Variants in ABCC4 observed in about 807,000 individuals in gnomAD.
The protein encoded by ABCC4 is ATP binding cassette subfamily C member 4 (PEL blood group).
ABCC4 carries 102 observed loss-of-function variants against 168.5 expected under a neutral mutation model. The ratio of observed to expected loss-of-function variants is 0.61; its 90% confidence interval spans 0.52 to 0.71. The LOEUF is 0.71. Among genes scored for constraint, ABCC4 ranks in the 30% least tolerant of loss-of-function variants. ABCC4 has a pLI of 0.00. For synonymous variants in ABCC4, 617 were observed against 590.7 expected (o/e 1.04, Z -0.65); for missense variants, 1,402 against 1,605.8 (o/e 0.87, Z 2.17).
At chr13:95,096,122 G>A in intron 20 of ABCC4, 2 of 616,838 alleles carry the variant, frequency 3.2e-6, no homozygotes, top group Middle Eastern at 2.5e-4. Context: ...GGAGGGAGGA[G>A]GATTGCTTGA....
chr13:95,188,378 G>C (rs2038136918), intron 10 of ABCC4, 75 bp downstream of exon 10: 2 of 1,334,776 alleles, frequency 1.5e-6, no homozygotes, highest in South Asian at 2.3e-5. Flanking sequence ...GTTACACGTA[G>C]CCTTGGGCTC....
At chr13:95,229,648 A>G (rs2039563439) in intron 4 of ABCC4, among the ~76,000 whole-genome samples, 1 of 152,246 alleles carries the variant, frequency 6.6e-6, no homozygotes, top group Admixed American at 6.5e-5. Context: ...TCTATGCCTA[A>G]TGTATTTGAT....
intron 3 of ABCC4, among the ~76,000 whole-genome samples, chr13:95,240,125 C>T (rs2039890586): frequency 6.6e-6 from 1 of 152,086 alleles, no homozygotes; most frequent in South Asian, 2.1e-4. Flanking sequence ...ACCAGATGGA[C>T]ATGTTAAATG....
chr13:95,228,281 T>G (rs2039524651), intron 4 of ABCC4, among the ~76,000 whole-genome samples: 2 of 151,978 alleles, frequency 1.3e-5, no homozygotes, highest in Non-Finnish European at 1.5e-5. Context: ...GACGGTGCAT[T>G]TATTTTTTTT....
chr13:95,112,361 A>G (rs1192244527), intron 20 of ABCC4, among the ~76,000 whole-genome samples: 1 of 152,142 alleles, frequency 6.6e-6, no homozygotes, highest in African/African-American at 2.4e-5. Context: ...AAAAAAAAAA[A>G]AAAGAAAGTC....
intron 13 of ABCC4, among the ~76,000 whole-genome samples, chr13:95,171,474 T>C (rs558643532): frequency 5.9e-5 from 9 of 151,558 alleles, no homozygotes; most frequent in Middle Eastern, 3.4e-3. Flanking sequence ...GGAGAATCAC[T>C]TGAGCCCAGG....
intron 20 of ABCC4, among the ~76,000 whole-genome samples, chr13:95,089,155 T>C (rs1016918087): frequency 1.3e-4 from 20 of 152,280 alleles, no homozygotes; most frequent in Non-Finnish European, 2.8e-4. Flanking sequence ...AATAATTCTA[T>C]TATTGAATTT....
Position 95,163,052 on chromosome 13 carries a change from T to C in ABCC4, c.2308+70A>G, listed in dbSNP as rs950571393. On this transcript the variant is annotated intron_variant, in intron 18 of 30. Transcript: ENST00000645237. ...ATTACTGAATGACTCCTGGAAGCCC[T>C]AGTTACTCACACAGGCTCATTGTAA... 4 of 1,031,184 alleles carry C rather than the reference T, an allele frequency of 3.9e-6. No individual in the cohort carries two copies. In the African/African-American group the frequency reaches 4.7e-5, roughly 12 times the overall value. The allele number at this position is 1,031,184 out of a possible 1,614,324, so 63.9% of individuals were successfully genotyped here.
At chr13:95,214,848 T>A (rs1300449562) in intron 4 of ABCC4, among the ~76,000 whole-genome samples, 1 of 122,294 alleles carries the variant, frequency 8.2e-6, no homozygotes, top group African/African-American at 3.3e-5. Flanking sequence ...ATCGCGCCAC[T>A]CCACTCCAGC....
intron 27 of ABCC4, among the ~76,000 whole-genome samples, chr13:95,047,817 T>C (rs2032658844): frequency 6.6e-6 from 1 of 152,212 alleles, no homozygotes; most frequent in South Asian, 2.1e-4. Flanking sequence ...CTAGTTCTTT[T>C]CATGCACTGC....
rs1487376163 is a variant in ABCC4 at position 95,226,152 on chromosome 13, CTGGAATTACTT to C, written c.531+8447_531+8457del. Among the ~76,000 whole-genome samples the C allele has an allele frequency of 8.6e-5, 13 of 150,534 alleles. No homozygotes were observed. In the East Asian group the frequency reaches 9.9e-4, roughly 11 times the overall value. On this transcript the variant is annotated intron_variant, in intron 4 of 30. Coordinates refer to ENST00000645237, the MANE Select transcript of ABCC4 (RefSeq NM_005845.5). ...TTCTCCAACAGGGCAATTACTTCAT[CTGGAATTACTT>C]CATCTGGAATTCTAAGACCATGTCT...
At chr13:95,269,647 G>A (rs759690596) in intron 1 of ABCC4, among the ~76,000 whole-genome samples, 6 of 151,838 alleles carry the variant, frequency 4.0e-5, no homozygotes, top group South Asian at 2.1e-4. Context: ...TATTATCCAC[G>A]TTACACATTT....
chr13:95,130,989 T>C (rs1478951239), intron 19 of ABCC4, among the ~76,000 whole-genome samples: 1 of 152,156 alleles, frequency 6.6e-6, no homozygotes, highest in Non-Finnish European at 1.5e-5. Flanking sequence ...CAGAATATTA[T>C]CACTTTTGTA....
intron 28 of ABCC4, 103 bp downstream of exon 28, chr13:95,044,162 TG>T: frequency 8.6e-7 from 1 of 1,163,352 alleles, no homozygotes; most frequent in Non-Finnish European, 1.2e-6. Context: ...ATGTTATGTC[TG>T]GGGCAAACAG....
At chr13:95,298,398 C>T (rs1296794866) in intron 1 of ABCC4, among the ~76,000 whole-genome samples, 4 of 152,148 alleles carry the variant, frequency 2.6e-5, no homozygotes, top group Non-Finnish European at 5.9e-5. Context: ...AAGCAGTAAG[C>T]GCCTCAAATC....
chr13:95,239,930 G>T (rs970450267), intron 3 of ABCC4, among the ~76,000 whole-genome samples: 3 of 152,116 alleles, frequency 2.0e-5, no homozygotes, highest in African/African-American at 7.2e-5. Flanking sequence ...ACAAATTAAT[G>T]CATCTTAAGC....
chr13:95,264,557 AT>A (rs1409819342), intron 1 of ABCC4, among the ~76,000 whole-genome samples: 1 of 152,108 alleles, frequency 6.6e-6, no homozygotes, highest in African/African-American at 2.4e-5. Context: ...GTCACATCAC[AT>A]TTTTTTGTGT....
At position 95,083,238 on chromosome 13, in the gene ABCC4, C is replaced by T; in HGVS notation, c.2588G>A (p.Trp863Ter). 6.2e-7 allele frequency: 1 copy of T among 1,613,806 alleles called. No individual in the cohort carries two copies. The highest frequency in any genetic ancestry group is 8.5e-7 in the Non-Finnish European group (1 of 1,179,884). The change falls in exon 21 of 31, where the codon TGG becomes TAG. Residue 863 changes from tryptophan to a stop codon, truncating the protein, a stop_gained. Coordinates refer to ENST00000645237, the MANE Select transcript of ABCC4 (RefSeq NM_005845.5). LOFTEE classifies it high-confidence loss of function. ...AAGGGGAACCAAGGGTATTGCGATC[C>T]AAGGAATCACGGCCACAGCCACAGA... ...VVSVAVAVIP[W>*]IAIPLVPLGI... is the part of the protein sequence containing the mutation.
chr13:95,178,388 G>A (rs541335293), intron 11 of ABCC4, among the ~76,000 whole-genome samples: 9 of 152,294 alleles, frequency 5.9e-5, no homozygotes, highest in South Asian at 2.1e-4. Context: ...ATTCAGCAGC[G>A]AAAGAGTTTC....
Sources: allele counts gnomAD v4.1 joint callset (sites outside exome capture counted in the v4.1 genomes callset), GRCh38; gene constraint gnomAD v4.1.1; transcripts MANE v1.5; gene names NCBI Gene and HGNC (gene_info 2026-07-23, HGNC 2026-07-21).